Variants in AGTPBP1 observed in about 807,000 individuals in gnomAD.
AGTPBP1 encodes the protein cytosolic carboxypeptidase 1.
AGTPBP1 carries 70 observed loss-of-function variants against 143.9 expected under a neutral mutation model. The ratio of observed to expected loss-of-function variants is 0.49; its 90% CI spans 0.40 to 0.59. The LOEUF is 0.59. Among genes scored for constraint, AGTPBP1 ranks in the 20% least tolerant of loss-of-function variants. The probability of loss-of-function intolerance (pLI) is 0.00; values close to 1 mark genes in which losing one functional copy is unlikely to be tolerated. For missense variants in AGTPBP1, 1,229 were observed against 1,464.5 expected, an observed-to-expected ratio of 0.84 and a Z score of 2.62; for synonymous variants, 463 against 500.2, an observed-to-expected ratio of 0.93 and a Z score of 0.99.
At chr9:85,619,773 G>T (rs1830806207) in intron 15 of AGTPBP1, among the ~76,000 whole-genome samples, 1 of 152,160 alleles carries the variant, frequency 6.6e-6, no homozygotes, top group Non-Finnish European at 1.5e-5. Flanking sequence ...CATTTACCAT[G>T]TATCTACTAG....
rs576457039 is a variant in AGTPBP1, at chr9:85,703,617, C to T, written c.32+8885G>A. 1.0e-3 allele frequency among the ~76,000 whole-genome samples: 156 copies of T among 152,188 alleles called. 1 individual carries two copies. Among genetic ancestry groups the T allele is most frequent in the Non-Finnish European group, 2.0e-3 (137 of 68,030 alleles). On this transcript the variant is annotated intron_variant, in intron 2 of 25. Coordinates refer to ENST00000357081, the MANE Select transcript of AGTPBP1 (RefSeq NM_001330701.2). ...CTCATTTCACTGAGTCAGAGTAACA[C>T]TAGAGGATGAAAAGATTTGCAAAGG...
chr9:85,660,692 A>C (rs1051799651), intron 9 of AGTPBP1, among the ~76,000 whole-genome samples: 2 of 152,134 alleles, frequency 1.3e-5, no homozygotes, highest in Non-Finnish European at 2.9e-5. Flanking sequence ...ACTTAGAAAT[A>C]AGAAATCAAT....
intron 8 of AGTPBP1, among the ~76,000 whole-genome samples, chr9:85,662,333 T>C (rs1833895972): frequency 6.6e-6 from 1 of 152,110 alleles, no homozygotes; most frequent in African/African-American, 2.4e-5. Context: ...AAATAAGAAA[T>C]TCATACCTGT....
At chr9:85,569,675 G>A (rs887749863) in intron 25 of AGTPBP1, among the ~76,000 whole-genome samples, 11 of 152,154 alleles carry the variant, frequency 7.2e-5, no homozygotes, top group African/African-American at 1.9e-4. Flanking sequence ...CTAGTAGCGT[G>A]TCATATTACA....
chr9:85,713,455 C>G (rs187638606), intron 1 of AGTPBP1, among the ~76,000 whole-genome samples: 3 of 152,066 alleles, frequency 2.0e-5, no homozygotes, highest in Non-Finnish European at 4.4e-5. Flanking sequence ...CACTTGAACC[C>G]GGGAGGTGGA....
At chr9:85,629,837 C>G (rs941973387) in intron 14 of AGTPBP1, among the ~76,000 whole-genome samples, 1 of 151,976 alleles carries the variant, frequency 6.6e-6, no homozygotes, top group South Asian at 2.1e-4. Context: ...GTGTCTTGAC[C>G]GATGAAAGCT....
At chr9:85,636,595 A>G (rs1832069901) in intron 13 of AGTPBP1, among the ~76,000 whole-genome samples, 1 of 152,274 alleles carries the variant, frequency 6.6e-6, no homozygotes, top group African/African-American at 2.4e-5. Flanking sequence ...GACAAAGCCA[A>G]AAAGAGAATT....
chr9:85,568,040 A>G (rs1827219691), intron 25 of AGTPBP1, among the ~76,000 whole-genome samples: 1 of 152,226 alleles, frequency 6.6e-6, no homozygotes, highest in South Asian at 2.1e-4. Flanking sequence ...GGAGGCACAG[A>G]CATTTTGGTA....
At chr9:85,598,050 T>A (rs1158063026) in intron 17 of AGTPBP1, among the ~76,000 whole-genome samples, 11 of 152,182 alleles carry the variant, frequency 7.2e-5, no homozygotes, top group Admixed American at 7.2e-4. Context: ...ATAAATACAA[T>A]TCAGCTGGAA....
rs989192552 is a variant in AGTPBP1 at position 85,657,732 on chromosome 9, T to C, written c.701-89A>G. On this transcript the variant is annotated intron_variant, in intron 9 of 25. Coordinates refer to ENST00000357081, the MANE Select transcript of AGTPBP1 (RefSeq NM_001330701.2). ...CAAATTTAAAATATTACCTCAATAT[T>C]GTGATGGATACTTATAATTCTTTTT... 1.2e-5 allele frequency: 10 copies of C among 820,822 alleles called. No individual in the cohort carries two copies. The African/African-American group carries it at 1.7e-4, about 14-fold the overall frequency. 50.8% of individuals were successfully genotyped at this position (820,822 alleles called of 1,614,324 possible). A position where few individuals can be genotyped will look rare whatever the true frequency, so the allele number is the denominator to read the frequency against.
At chr9:85,714,974 C>T (rs964479147) in intron 1 of AGTPBP1, among the ~76,000 whole-genome samples, 2 of 152,084 alleles carry the variant, frequency 1.3e-5, no homozygotes, top group African/African-American at 4.8e-5. Context: ...GGGCCGGGCA[C>T]AGTAGCTCAC....
chr9:85,575,212 A>G (rs1352886635), intron 25 of AGTPBP1, 103 bp downstream of exon 25: 33 of 771,504 alleles, frequency 4.3e-5, no homozygotes, highest in Non-Finnish European at 5.5e-5. Flanking sequence ...TATTAATTCT[A>G]AACATGCTCT....
In AGTPBP1 at chr9:85,723,554, G is replaced by A. The variant is rs113600046; in HGVS notation, c.-33-10988C>T. Among the ~76,000 whole-genome samples, 67 of 152,288 alleles carry A rather than the reference G, an allele frequency of 4.4e-4. 1 individual carries two copies. The highest frequency in any genetic ancestry group is 1.3e-3 in the African/African-American group (54 of 41,566). ...GGGTTGCGAAGACTATGGGAAAAGC[G>A]CAGTATTTGGGCAGGAATGTACCGT... On this transcript the variant is annotated intron_variant, in intron 1 of 25. Coordinates refer to ENST00000357081, the MANE Select transcript of AGTPBP1 (RefSeq NM_001330701.2).
the AGTPBP1 span, among the ~76,000 whole-genome samples, chr9:85,754,887 A>T: frequency 8.6e-5 from 13 of 150,456 alleles, no homozygotes; most frequent in South Asian, 2.1e-4. Context: ...CATCTTTCAA[A>T]CCCCACTCAC....
At chr9:85,695,508 G>C (rs922246979) in intron 2 of AGTPBP1, among the ~76,000 whole-genome samples, 6 of 152,162 alleles carry the variant, frequency 3.9e-5, no homozygotes, top group African/African-American at 1.4e-4. Context: ...GGCAATGATG[G>C]GTACAGAGTT....
At chr9:85,548,617 G>C (rs1040351487) in intron 25 of AGTPBP1, among the ~76,000 whole-genome samples, 1 of 148,160 alleles carries the variant, frequency 6.7e-6, no homozygotes, top group African/African-American at 2.5e-5. Context: ...AATCTGTTAG[G>C]TCATTAGAGA....
chr9:85,742,725 G>T (rs552615325), upstream of AGTPBP1, among the ~76,000 whole-genome samples: 1 of 152,196 alleles, frequency 6.6e-6, no homozygotes, highest in Non-Finnish European at 1.5e-5. Context: ...ATGTGTCAGA[G>T]AAATTACTAA....
intron 25 of AGTPBP1, among the ~76,000 whole-genome samples, chr9:85,561,835 T>G (rs1826751850): frequency 6.8e-6 from 1 of 147,456 alleles, no homozygotes; most frequent in African/African-American, 2.5e-5. Context: ...AAAGTACAAT[T>G]TTTTTTTTTT....
chr9:85,715,281 G>C (rs1837634900), intron 1 of AGTPBP1, among the ~76,000 whole-genome samples: 1 of 151,456 alleles, frequency 6.6e-6, no homozygotes, highest in African/African-American at 2.4e-5. Context: ...AAGCAAACAA[G>C]AATTCTGAAG....
Sources: gnomAD v4.1 joint callset for allele counts (sites outside exome capture counted in the v4.1 genomes callset) on GRCh38, gnomAD v4.1.1 for gene constraint, MANE v1.5 for transcripts, NCBI Gene and HGNC (gene_info 2026-07-23, HGNC 2026-07-21) for gene names.